ADGRB3: variants seen among roughly 807,000 people sequenced by gnomAD.
ADGRB3 encodes brain-specific angiogenesis inhibitor 3.
Under a neutral mutation model 193.4 loss-of-function variants are expected in ADGRB3, and 37 were observed. The observed-to-expected ratio is 0.19, with a 90% CI of 0.15 to 0.25. ADGRB3 has a LOEUF of 0.25. Among genes scored for constraint, ADGRB3 ranks in the 10% least tolerant of loss-of-function variants. The probability of loss-of-function intolerance (pLI) is 1.00; values close to 1 mark genes in which losing one functional copy is unlikely to be tolerated. For missense variants in ADGRB3, 1,637 were observed against 1,852.9 expected, an observed-to-expected ratio of 0.88 and a Z score of 2.14; for synonymous variants, 690 against 644.2, an observed-to-expected ratio of 1.07 and a Z score of -1.08.
At chr6:68,919,432 A>G (rs1766977171) in intron 3 of ADGRB3, among the ~76,000 whole-genome samples, 1 of 152,166 alleles carries the variant, frequency 6.6e-6, no homozygotes, top group Non-Finnish European at 1.5e-5. Context: ...CACTTAGTGT[A>G]GGTGGCCTGC....
chr6:69,380,820 T>G (rs1225442142), intron 30 of ADGRB3, among the ~76,000 whole-genome samples: 1 of 151,868 alleles, frequency 6.6e-6, no homozygotes, highest in Non-Finnish European at 1.5e-5. Context: ...TCAATCAGAT[T>G]TTGTGCAACA....
intron 3 of ADGRB3, among the ~76,000 whole-genome samples, chr6:68,878,258 C>T (rs944317326): frequency 6.6e-6 from 1 of 151,382 alleles, no homozygotes; most frequent in Non-Finnish European, 1.5e-5. Context: ...GTGTTTACTT[C>T]ATTATTATAA....
chr6:69,154,793 A>C (rs1774785904), intron 17 of ADGRB3, among the ~76,000 whole-genome samples: 1 of 152,182 alleles, frequency 6.6e-6, no homozygotes, highest in East Asian at 1.9e-4. Context: ...TGCATAGTAT[A>C]CCTTAGTCTG....
intron 24 of ADGRB3, among the ~76,000 whole-genome samples, chr6:69,336,040 ATTCTTTT>A (rs985243810): frequency 3.9e-5 from 6 of 152,000 alleles, no homozygotes; most frequent in Non-Finnish European, 8.8e-5. Context: ...TTCTACTGAA[ATTCTTTT>A]TTCTTTTTTC....
intron 13 of ADGRB3, among the ~76,000 whole-genome samples, chr6:69,031,060 T>C (rs1331508633): frequency 2.1e-5 from 1 of 46,896 alleles, no homozygotes; most frequent in Non-Finnish European, 5.7e-5. Context: ...TCTTCTCTTC[T>C]CTTCTCTTCT....
chr6:68,679,875 G>A (rs1764850318), intron 3 of ADGRB3, among the ~76,000 whole-genome samples: 1 of 152,116 alleles, frequency 6.6e-6, no homozygotes, highest in Non-Finnish European at 1.5e-5. Context: ...AACAAAAAAT[G>A]CTTTTCATAG....
intron 17 of ADGRB3, among the ~76,000 whole-genome samples, chr6:69,170,781 C>G (rs527445219): frequency 6.6e-6 from 1 of 151,890 alleles, no homozygotes; most frequent in African/African-American, 2.4e-5. Flanking sequence ...AGCAAGAGCT[C>G]GAAAGGTAAG....
intron 17 of ADGRB3, among the ~76,000 whole-genome samples, chr6:69,225,284 C>A (rs1765985487): frequency 6.6e-6 from 1 of 152,150 alleles, no homozygotes; most frequent in Non-Finnish European, 1.5e-5. Context: ...CCATGCCCAC[C>A]ATGACCATCT....
At chr6:68,721,148 A>G (rs1471854343) in intron 3 of ADGRB3, among the ~76,000 whole-genome samples, 1 of 151,852 alleles carries the variant, frequency 6.6e-6, no homozygotes, top group Non-Finnish European at 1.5e-5. Context: ...AGGAATATAA[A>G]TCATGCTGCT....
chr6:69,215,976 G>A (rs1381960463), intron 17 of ADGRB3, among the ~76,000 whole-genome samples: 1 of 152,076 alleles, frequency 6.6e-6, no homozygotes, highest in Non-Finnish European at 1.5e-5. Context: ...TACTTTCTAG[G>A]ACACAAAGAT....
intron 9 of ADGRB3, 44 bp from the exon 10 acceptor site, chr6:68,975,190 A>T: frequency 6.6e-7 from 1 of 1,523,462 alleles, no homozygotes. Flanking sequence ...ATGCCTTCAA[A>T]CATCCCTATT....
At chr6:68,920,944 GATTA>G (rs1326846992) in intron 3 of ADGRB3, among the ~76,000 whole-genome samples, 4 of 152,126 alleles carry the variant, frequency 2.6e-5, no homozygotes, top group African/African-American at 9.7e-5. Flanking sequence ...TATAGATGCT[GATTA>G]ATTAAAGAGA....
At chr6:69,335,228 C>A (rs1220849943) in intron 24 of ADGRB3, among the ~76,000 whole-genome samples, 1 of 151,980 alleles carries the variant, frequency 6.6e-6, no homozygotes, top group East Asian at 1.9e-4. Context: ...ATTCATATAG[C>A]TCTTTATAAG....
At chr6:69,155,850 G>A (rs1421201356) in intron 17 of ADGRB3, among the ~76,000 whole-genome samples, 1 of 152,278 alleles carries the variant, frequency 6.6e-6, no homozygotes, top group East Asian at 1.9e-4. Context: ...GAGAAATCAT[G>A]TAATAGTAAC....
intron 3 of ADGRB3, among the ~76,000 whole-genome samples, chr6:68,877,516 A>G (rs1582276419): frequency 6.6e-6 from 1 of 152,204 alleles, no homozygotes; most frequent in East Asian, 1.9e-4. Context: ...TTGCATGGCC[A>G]TTTGTTCACA....
At chr6:68,656,025 A>G (rs1231984595) in intron 3 of ADGRB3, among the ~76,000 whole-genome samples, 4 of 151,620 alleles carry the variant, frequency 2.6e-5, no homozygotes, top group Admixed American at 6.6e-5. Flanking sequence ...TAACCAAAGT[A>G]TAATTTATGT....
At chr6:69,287,308 C>G (rs764140722) in intron 20 of ADGRB3, among the ~76,000 whole-genome samples, 35 of 152,122 alleles carry the variant, frequency 2.3e-4, no homozygotes, top group Non-Finnish European at 4.4e-4. Flanking sequence ...AGCAAAATCT[C>G]TTCAGTCTCC....
At chr6:68,968,382 A>G (rs1768453959) in intron 8 of ADGRB3, among the ~76,000 whole-genome samples, 1 of 152,216 alleles carries the variant, frequency 6.6e-6, no homozygotes, top group Non-Finnish European at 1.5e-5. Context: ...CCGACAGGGA[A>G]ATGAAGAAGT....
chr6:68,784,346 A>G (rs965001756), intron 3 of ADGRB3, among the ~76,000 whole-genome samples: 4 of 152,114 alleles, frequency 2.6e-5, no homozygotes, highest in African/African-American at 9.7e-5. Context: ...TACCAGTGTT[A>G]CTTTTTTCTA....
Sources: allele counts gnomAD v4.1 joint callset (sites outside exome capture counted in the v4.1 genomes callset), GRCh38; gene constraint gnomAD v4.1.1; transcripts MANE v1.5; gene names NCBI Gene and HGNC (gene_info 2026-07-23, HGNC 2026-07-21).